The following F2R variants were observed in gnomAD, a reference collection of about 807,000 sequenced individuals.
F2R encodes the protein coagulation factor II thrombin receptor, also known as proteinase-activated receptor 1.
In F2R, 12 loss-of-function variants were observed where a neutral mutation model predicts 18.3. The observed-to-expected ratio is 0.66, with a 90% CI of 0.42 to 1.06. The LOEUF (loss-of-function observed/expected upper bound fraction) is 1.06, where lower values mean the gene tolerates loss of function less well. Among genes scored for constraint, F2R ranks in the 50% least tolerant of loss-of-function variants. The pLI, the probability that F2R is intolerant of heterozygous loss-of-function variation, is 0.00. For synonymous variants in F2R, 210 were observed against 219.9 expected (o/e 0.95, Z 0.40); for missense variants, 438 against 530.8 (o/e 0.83, Z 1.72).
intron 1 of F2R, among the ~76,000 whole-genome samples, chr5:76,725,662 A>G (rs998196843): frequency 2.6e-5 from 4 of 151,950 alleles, no homozygotes; most frequent in Non-Finnish European, 5.9e-5. Context: ...CTTTAATTTC[A>G]CAAAAACCAG....
At chr5:76,726,205 A>T (rs1580891815) in intron 1 of F2R, among the ~76,000 whole-genome samples, 1 of 152,150 alleles carries the variant, frequency 6.6e-6, no homozygotes, top group East Asian at 1.9e-4. Flanking sequence ...GCTGGCAAGC[A>T]TGGTGAAACC....
In F2R at chr5:76,716,152, A is replaced by C. The variant is rs1748335869; in HGVS notation, c.-156A>C. The stretch of plus-strand genomic sequence containing the variant: ...ACCGCCCCAGACACAGCGCTCGCCG[A>C]GGGTCGCTTGGACCCTGATCTTACC... On this transcript the variant is annotated 5_prime_UTR_variant, in exon 1 of 2. Transcript: ENST00000319211. 1 of 480,522 alleles carries C rather than the reference A, an allele frequency of 2.1e-6. No individual in the cohort carries two copies. 29.8% of individuals were successfully genotyped at this position (480,522 alleles called of 1,614,324 possible).
intron 1 of F2R, among the ~76,000 whole-genome samples, chr5:76,731,087 C>T (rs1169923330): frequency 6.6e-6 from 1 of 152,178 alleles, no homozygotes; most frequent in Non-Finnish European, 1.5e-5. Flanking sequence ...ATCGGCTGCT[C>T]TGCTGACCTG....
At position 76,735,504 on chromosome 5, in the gene F2R, A is replaced by C. The variant is rs940010042; in HGVS notation, c.*2001A>C. On this transcript the variant is annotated 3_prime_UTR_variant, in exon 2 of 2. Coordinates refer to ENST00000319211, the MANE Select transcript of F2R (RefSeq NM_001992.5). ...ATAAAAATAAATAAAAAATAAAAAAATAAAAGAGCAAACTATTTCCAAATA... is the reference window on the plus strand; with the variant it reads ...ATAAAAATAAATAAAAAATAAAAAACTAAAAGAGCAAACTATTTCCAAATA... 1 of 152,148 alleles carries C rather than the reference A, an allele frequency of 6.6e-6. No individual in the cohort carries two copies. The highest frequency in any genetic ancestry group is 2.4e-5 in the African/African-American group (1 of 41,448). The allele number at this position is 152,148 out of a possible 1,614,324, so 9.4% of individuals were successfully genotyped here. A position where few individuals can be genotyped will look rare whatever the true frequency, so the allele number is the denominator to read the frequency against.
chr5:76,727,918 C>G (rs1041591102), intron 1 of F2R, among the ~76,000 whole-genome samples: 8 of 146,310 alleles, frequency 5.5e-5, no homozygotes, highest in African/African-American at 2.0e-4. Flanking sequence ...GACAGAGTCT[C>G]ACTCTGTTGC....
intron 1 of F2R, among the ~76,000 whole-genome samples, chr5:76,728,494 G>T (rs2227786): frequency 6.6e-6 from 1 of 151,802 alleles, no homozygotes; most frequent in African/African-American, 2.4e-5. Context: ...ATGCCCTCTC[G>T]GCTCATCCAT....
Position 76,732,737 on chromosome 5 carries a change from G to A in F2R, c.512G>A (p.Gly171Glu). 1 of 1,614,124 alleles carries A rather than the reference G, an allele frequency of 6.2e-7. No homozygotes were observed. The highest frequency in any genetic ancestry group is 1.3e-5 in the African/African-American group (1 of 75,006). Residue 171 changes from glycine to glutamate, a missense_variant, in exon 2 of 2, where the codon GGG becomes GAG. By Grantham distance (98) the Gly-to-Glu change is moderately conservative (BLOSUM62 -2). Coordinates refer to ENST00000319211, the MANE Select transcript of F2R (RefSeq NM_001992.5). ...TTTTCCGGCAGTGATTGGCAGTTTGGGTCTGAATTGTGTCGCTTCGTCACT... is the reference window on the plus strand; with the variant it reads ...TTTTCCGGCAGTGATTGGCAGTTTGAGTCTGAATTGTGTCGCTTCGTCACT... ...YYFSGSDWQFGSELCRFVTAA... is the reference protein window; with the variant it reads ...YYFSGSDWQFESELCRFVTAA...
At chr5:76,716,465 G>T in intron 1 of F2R, 70 bp downstream of exon 1, 1 of 1,257,724 alleles carries the variant, frequency 8.0e-7, no homozygotes, top group Non-Finnish European at 1.0e-6. Context: ...GGTCACTGTT[G>T]CGCCTTCTCC....
At chr5:76,727,643 G>C (rs1748592520) in intron 1 of F2R, among the ~76,000 whole-genome samples, 1 of 151,666 alleles carries the variant, frequency 6.6e-6, no homozygotes, top group Non-Finnish European at 1.5e-5. Context: ...CTCTAGCTTT[G>C]CTCTTCATTT....
In F2R at chr5:76,716,279, C is replaced by G; in HGVS notation, c.-29C>G. ...AGCAGCCCGAGGCGGGGCAGCCTCCCGGAGCAGCGCCGCGCAGAGCCCGGG... is the reference window on the plus strand; with the variant it reads ...AGCAGCCCGAGGCGGGGCAGCCTCCGGGAGCAGCGCCGCGCAGAGCCCGGG... On this transcript the variant is annotated 5_prime_UTR_variant, in exon 1 of 2. Coordinates refer to ENST00000319211, the MANE Select transcript of F2R (RefSeq NM_001992.5). The G allele has an allele frequency of 4.5e-6, 6 of 1,345,050 alleles. No homozygotes were observed. Among genetic ancestry groups the G allele is most frequent in the Non-Finnish European group, 5.7e-6 (6 of 1,054,230 alleles). 83.3% of individuals were successfully genotyped at this position (1,345,050 alleles called of 1,614,324 possible). A position where few individuals can be genotyped will look rare whatever the true frequency, so the allele number is the denominator to read the frequency against.
chr5:76,721,298 C>A (rs1224605686), intron 1 of F2R, among the ~76,000 whole-genome samples: 3 of 152,164 alleles, frequency 2.0e-5, no homozygotes, highest in Non-Finnish European at 4.4e-5. Flanking sequence ...TTTCATTCTG[C>A]CTTTTTCTTT....
intron 1 of F2R, 76 bp from the exon 2 acceptor site, chr5:76,732,238 G>T: frequency 8.8e-7 from 1 of 1,139,206 alleles, no homozygotes; most frequent in Non-Finnish European, 1.2e-6. Flanking sequence ...AGTAAAATAT[G>T]CTCTCTGCTT....
chr5:76,730,300 C>T (rs1390830816), intron 1 of F2R, among the ~76,000 whole-genome samples: 1 of 152,118 alleles, frequency 6.6e-6, no homozygotes, highest in Non-Finnish European at 1.5e-5. Flanking sequence ...AAATTTAGGG[C>T]TCCCCCTCTC....
chr5:76,724,505 GC>G (rs1223861328), intron 1 of F2R, among the ~76,000 whole-genome samples: 9 of 151,286 alleles, frequency 5.9e-5, no homozygotes, highest in South Asian at 2.1e-4. Flanking sequence ...ATCTGTAACT[GC>G]CCCCCCACCC....
rs531037053 is a variant in F2R at position 76,716,577 on chromosome 5, G to A, written c.88+182G>A. 182 of 685,450 alleles carry A rather than the reference G, an allele frequency of 2.7e-4. No individual in the cohort carries two copies. The African/African-American group carries it at 3.0e-3, about 11-fold the overall frequency. 42.5% of individuals were successfully genotyped at this position (685,450 alleles called of 1,614,324 possible). On this transcript the variant is annotated intron_variant, in intron 1 of 1. Transcript: ENST00000319211. ...AGGTGGGGCGTGCCACCCCCTTCGC[G>A]GGCCCAGCCGATGCCCCTTTGGACT...
At position 76,716,144 on chromosome 5, in the gene F2R, G is replaced by T. The variant is rs1323673554; in HGVS notation, c.-164G>T. The T allele has an allele frequency of 3.0e-5, 14 of 470,520 alleles. No homozygotes were observed. In the East Asian group the frequency reaches 4.6e-4, roughly 16 times the overall value. 29.1% of individuals were successfully genotyped at this position (470,520 alleles called of 1,614,324 possible). On this transcript the variant is annotated 5_prime_UTR_variant, in exon 1 of 2. Transcript: ENST00000319211. ...CCCCGCTAACCGCCCCAGACACAGC[G>T]CTCGCCGAGGGTCGCTTGGACCCTG... is the stretch of plus-strand genomic sequence containing the variant.
chr5:76,717,020 G>A (rs542271057), intron 1 of F2R, among the ~76,000 whole-genome samples: 25 of 152,324 alleles, frequency 1.6e-4, no homozygotes, highest in Middle Eastern at 3.4e-3. Flanking sequence ...GGGACATGGA[G>A]AGGATTTTGT....
chr5:76,716,730 C>CA, intron 1 of F2R: 1 of 672,208 alleles, frequency 1.5e-6, no homozygotes, highest in Non-Finnish European at 2.7e-6. Flanking sequence ...GGACCACCCC[C>CA]AAAAAGAAAA....
At chr5:76,721,855 T>C (rs191400633) in intron 1 of F2R, among the ~76,000 whole-genome samples, 125 of 150,702 alleles carry the variant, frequency 8.3e-4, no homozygotes, top group Admixed American at 2.1e-3. Flanking sequence ...TCACCTTTAC[T>C]GCATTGTATG....
Sources: gnomAD v4.1 joint callset for allele counts (sites outside exome capture counted in the v4.1 genomes callset) on GRCh38, gnomAD v4.1.1 for gene constraint, MANE v1.5 for transcripts, NCBI Gene and HGNC (gene_info 2026-07-23, HGNC 2026-07-21) for gene names.